The following RIMS2 variants were observed in gnomAD, a reference collection of about 807,000 sequenced individuals.
The protein encoded by RIMS2 is regulating synaptic membrane exocytosis 2, also known as regulating synaptic membrane exocytosis protein 2.
A neutral mutation model predicts 174.4 loss-of-function variants in RIMS2; 59 were observed. The ratio of observed to expected loss-of-function variants is 0.34; its 90% CI spans 0.27 to 0.42. The LOEUF is 0.42. RIMS2 is among the 10% of genes least tolerant of loss of function. The pLI is 1.00. For missense variants in RIMS2, 1,620 were observed against 1,666.3 expected, an observed-to-expected ratio of 0.97 and a Z score of 0.48; for synonymous variants, 606 against 572.5, an observed-to-expected ratio of 1.06 and a Z score of -0.84.
At chr8:104,031,306 A>G (rs933154011) in intron 19 of RIMS2, among the ~76,000 whole-genome samples, 6 of 152,078 alleles carry the variant, frequency 3.9e-5, no homozygotes, top group Non-Finnish European at 8.8e-5. Context: ...ATCACAATAA[A>G]ACAAAGTTTA....
At chr8:103,752,626 T>A (rs927179736) in intron 2 of RIMS2, among the ~76,000 whole-genome samples, 2 of 152,218 alleles carry the variant, frequency 1.3e-5, no homozygotes, top group African/African-American at 4.8e-5. Context: ...TGGTTTGTAT[T>A]TCTCCTTGAA....
intron 19 of RIMS2, among the ~76,000 whole-genome samples, chr8:104,145,113 C>G (rs2098623019): frequency 6.6e-6 from 1 of 151,948 alleles, no homozygotes; most frequent in African/African-American, 2.4e-5. Context: ...GGGTTTTTCC[C>G]CTTGTCTTAT....
At chr8:104,081,305 T>C (rs1221996353) in intron 19 of RIMS2, among the ~76,000 whole-genome samples, 1 of 152,034 alleles carries the variant, frequency 6.6e-6, no homozygotes, top group African/African-American at 2.4e-5. Context: ...AAAGGGCTTA[T>C]TTCAATAGAA....
chr8:104,091,806 G>C (rs922174323), intron 19 of RIMS2, among the ~76,000 whole-genome samples: 1 of 151,352 alleles, frequency 6.6e-6, no homozygotes. Flanking sequence ...GATCTAAATT[G>C]TCTTTGAATA....
intron 19 of RIMS2, among the ~76,000 whole-genome samples, chr8:104,208,334 GA>G (rs2099089993): frequency 6.6e-6 from 1 of 151,880 alleles, no homozygotes; most frequent in Non-Finnish European, 1.5e-5. Flanking sequence ...TTGGGAGGCC[GA>G]GGGGGGCAGA....
intron 1 of RIMS2, among the ~76,000 whole-genome samples, chr8:103,622,945 A>G (rs2095670046): frequency 6.6e-6 from 1 of 152,252 alleles, no homozygotes; most frequent in African/African-American, 2.4e-5. Context: ...TGGCTGTCAA[A>G]GGAACCTGCT....
At chr8:103,966,871 A>C (rs984411350) in intron 15 of RIMS2, among the ~76,000 whole-genome samples, 1 of 151,594 alleles carries the variant, frequency 6.6e-6, no homozygotes, top group East Asian at 1.9e-4. Context: ...TTCTTGACCC[A>C]TGTGTTATTT....
intron 19 of RIMS2, among the ~76,000 whole-genome samples, chr8:104,049,287 C>T (rs2096745646): frequency 6.6e-6 from 1 of 151,844 alleles, no homozygotes. Flanking sequence ...CCGGGGTGGG[C>T]GTGTGCCTGT....
At chr8:103,575,798 C>T (rs916491794) in intron 1 of RIMS2, among the ~76,000 whole-genome samples, 3 of 151,464 alleles carry the variant, frequency 2.0e-5, no homozygotes, top group Non-Finnish European at 4.4e-5. Flanking sequence ...AAACTCTGAA[C>T]GGATTAAGAG....
rs187168942 is a variant in RIMS2, at chr8:103,579,639, A to G, written c.176+78577A>G. On this transcript the variant is annotated intron_variant, in intron 1 of 23. Coordinates refer to ENST00000504942, the Ensembl canonical transcript of RIMS2. ...GGTAAGTTTTCACTTATTTAAAATA[A>G]CTTCTTAACCTATAAGATGTTTTTT... Among the ~76,000 whole-genome samples the G allele has an allele frequency of 1.1e-4, 17 of 152,308 alleles. No individual in the cohort carries two copies. In the South Asian group the frequency reaches 1.7e-3, roughly 15 times the overall value.
chr8:103,514,949 AC>A (rs1035323900), intron 1 of RIMS2, among the ~76,000 whole-genome samples: 14 of 152,100 alleles, frequency 9.2e-5, no homozygotes, highest in African/African-American at 3.4e-4. Context: ...AAAAACACAC[AC>A]AAAACAAAAA....
intron 19 of RIMS2, among the ~76,000 whole-genome samples, chr8:104,040,581 G>A (rs1033865516): frequency 6.6e-6 from 1 of 151,574 alleles, no homozygotes; most frequent in Non-Finnish European, 1.5e-5. Context: ...CTATAAAGTG[G>A]CATTTGTAAG....
rs959708142 is a variant in RIMS2, at chr8:103,514,966, A to AT, written c.176+13911dup. ...AAACACACACAAAACAAAAAACTTCATTTTTTTCTGATTGATGGAAACTGC... is the reference window on the plus strand; with the variant it reads ...AAACACACACAAAACAAAAAACTTCATTTTTTTTCTGATTGATGGAAACTGC... On this transcript the variant is annotated intron_variant, in intron 1 of 23. Transcript: ENST00000504942. Among the ~76,000 whole-genome samples, 12 of 151,894 alleles carry AT rather than the reference A, an allele frequency of 7.9e-5. 1 individual carries two copies. Among genetic ancestry groups the AT allele is most frequent in the Non-Finnish European group, 1.6e-4 (11 of 67,952 alleles).
chr8:103,751,971 A>T (rs989900485), intron 2 of RIMS2, among the ~76,000 whole-genome samples: 5 of 152,006 alleles, frequency 3.3e-5, no homozygotes, highest in African/African-American at 9.7e-5. Flanking sequence ...CCCATTTGTC[A>T]ATTTTGGCTT....
At chr8:103,618,209 A>G (rs1182859440) in intron 1 of RIMS2, among the ~76,000 whole-genome samples, 1 of 152,166 alleles carries the variant, frequency 6.6e-6, no homozygotes, top group East Asian at 1.9e-4. Context: ...GCTGGAGGCT[A>G]AGTAACACAG....
At chr8:103,867,089 TTAAAA>T (rs2099087831) in intron 3 of RIMS2, among the ~76,000 whole-genome samples, 1 of 151,878 alleles carries the variant, frequency 6.6e-6, no homozygotes, top group South Asian at 2.1e-4. Flanking sequence ...GAAATTATGA[TTAAAA>T]TAAGTTTTTA....
intron 16 of RIMS2, among the ~76,000 whole-genome samples, chr8:103,978,285 CAG>C (rs2154548856): frequency 8.2e-6 from 1 of 121,250 alleles, no homozygotes; most frequent in East Asian, 1.9e-4. Flanking sequence ...CCCATCATAA[CAG>C]GGGCTCAAAC....
chr8:103,740,862 A>G (rs1009307684), intron 2 of RIMS2, among the ~76,000 whole-genome samples: 1 of 152,098 alleles, frequency 6.6e-6, no homozygotes. Flanking sequence ...TTAACAATTG[A>G]AAGTTTTCTT....
chr8:104,103,768 A>G (rs2097961009), intron 19 of RIMS2, among the ~76,000 whole-genome samples: 1 of 152,128 alleles, frequency 6.6e-6, no homozygotes, highest in Non-Finnish European at 1.5e-5. Flanking sequence ...CTGGCTACAT[A>G]TTGAAGATTC....
Sources: allele counts gnomAD v4.1 joint callset (sites outside exome capture counted in the v4.1 genomes callset), GRCh38; gene constraint gnomAD v4.1.1; transcripts MANE v1.5; gene names NCBI Gene and HGNC (gene_info 2026-07-23, HGNC 2026-07-21).